CACNA1G: variants seen among roughly 807,000 people sequenced by gnomAD.
CACNA1G encodes the protein calcium voltage-gated channel subunit alpha1 G, also known as voltage-dependent T-type calcium channel subunit alpha-1G.
A neutral mutation model predicts 219.4 loss-of-function variants in CACNA1G; 67 were observed. The ratio of observed to expected loss-of-function variants is 0.31; its 90% CI spans 0.25 to 0.37. The LOEUF (loss-of-function observed/expected upper bound fraction) is 0.37, where lower values mean the gene tolerates loss of function less well. Among genes scored for constraint, CACNA1G ranks in the 10% least tolerant of loss-of-function variants. CACNA1G has a pLI of 1.00. For missense variants in CACNA1G, 2,380 were observed against 3,231.4 expected (o/e 0.74, Z 6.39); for synonymous variants, 1,296 against 1,345.3 (o/e 0.96, Z 0.80).
At chr17:50,568,356 A>G (rs1323479552) in intron 1 of CACNA1G, among the ~76,000 whole-genome samples, 2 of 152,074 alleles carry the variant, frequency 1.3e-5, no homozygotes, top group Non-Finnish European at 2.9e-5. Context: ...GGGGAAGAAA[A>G]TGATCTACCC....
chr17:50,623,765 G>A lies in CACNA1G; in HGVS notation c.6061-142G>A. On this transcript the variant is annotated intron_variant, in intron 35 of 37. Transcript: ENST00000359106. Reference sequence around the variant, plus strand: ...TGCCCCTCTCCCCAGCCATGCTCATGCCCATCTCTACCTTGTCCTGGGAGG... The same window carrying A: ...TGCCCCTCTCCCCAGCCATGCTCATACCCATCTCTACCTTGTCCTGGGAGG... The A allele has an allele frequency of 3.8e-6, 3 of 783,970 alleles. No homozygotes were observed. The South Asian group carries it at 5.3e-5, about 14-fold the overall frequency. 48.6% of individuals were successfully genotyped at this position (783,970 alleles called of 1,614,324 possible). A position where few individuals can be genotyped will look rare whatever the true frequency, so the allele number is the denominator to read the frequency against.
Position 50,607,647 on chromosome 17 carries a change from C to A in CACNA1G, c.4513-180C>A, listed in dbSNP as rs186641371. 3.6e-4 allele frequency: 213 copies of A among 591,746 alleles called. 1 individual carries two copies. In the African/African-American group the frequency reaches 3.7e-3, roughly 10 times the overall value. 36.7% of individuals were successfully genotyped at this position (591,746 alleles called of 1,614,324 possible). A position where few individuals can be genotyped will look rare whatever the true frequency, so the allele number is the denominator to read the frequency against. On this transcript the variant is annotated intron_variant, in intron 24 of 37. Coordinates refer to ENST00000359106, the MANE Select transcript of CACNA1G (RefSeq NM_018896.5). ...CAGTTTTGGATGGAGAATCTACTCT[C>A]CCCTTTACCACAGTCCCCGCCCCTC...
chr17:50,618,404 C>A lies in CACNA1G; in HGVS notation c.5427+61C>A. On this transcript the variant is annotated intron_variant, in intron 32 of 37. Coordinates refer to ENST00000359106, the MANE Select transcript of CACNA1G (RefSeq NM_018896.5). This position sits in a 1 kb window ranked among gnomAD's most constrained non-coding sequence, Gnocchi z 5.3. ...CAGCCCCACTTCCTGAGCTAGGATT[C>A]CTTGGGAAGATGAATTGGCCACAAA... The A allele has an allele frequency of 6.3e-7, 1 of 1,591,066 alleles. No homozygotes were observed. Among genetic ancestry groups the A allele is most frequent in the Non-Finnish European group, 8.6e-7 (1 of 1,163,960 alleles).
chr17:50,580,775 G>A (rs770410928), intron 9 of CACNA1G, among the ~76,000 whole-genome samples: 4 of 152,190 alleles, frequency 2.6e-5, no homozygotes, highest in Non-Finnish European at 5.9e-5. Context: ...GGGGGTGAGC[G>A]GGAGTCCCCA....
chr17:50,570,117 C>T (rs1221883966), intron 4 of CACNA1G, among the ~76,000 whole-genome samples: 1 of 152,152 alleles, frequency 6.6e-6, no homozygotes, highest in Non-Finnish European at 1.5e-5. Flanking sequence ...ACTGGAGAGG[C>T]TGACAGGCAA....
chr17:50,624,113 G>T (rs1355672107), intron 36 of CACNA1G, 38 bp downstream of exon 36: 1 of 1,596,030 alleles, frequency 6.3e-7, no homozygotes, highest in Admixed American at 1.7e-5. Context: ...GCTCACACAG[G>T]GAGATTCCAT....
intron 7 of CACNA1G, chr17:50,573,532 T>A (rs2039929260): frequency 6.3e-6 from 1 of 159,092 alleles, no homozygotes; most frequent in Non-Finnish European, 1.4e-5. Context: ...TTTGAATGAA[T>A]CCAGTGGTTT....
chr17:50,583,237 T>C (rs1048491912), intron 9 of CACNA1G, among the ~76,000 whole-genome samples: 1 of 151,942 alleles, frequency 6.6e-6, no homozygotes, highest in African/African-American at 2.4e-5. Context: ...AAGCAGAGCT[T>C]TGGGGGATGA....
rs2040472313 is a variant in CACNA1G at position 50,575,539 on chromosome 17, A to C, written c.1141-4A>C. ...ATTTCCTCTTCCTGTCCCCACCCCTACAGGTGGGCTCCTTCTTCATGATCA... is the reference window on the plus strand; with the variant it reads ...ATTTCCTCTTCCTGTCCCCACCCCTCCAGGTGGGCTCCTTCTTCATGATCA... On this transcript the variant is annotated splice_polypyrimidine_tract_variant and splice_region_variant and intron_variant, in intron 7 of 37. Coordinates refer to ENST00000359106, the MANE Select transcript of CACNA1G (RefSeq NM_018896.5). The C allele has an allele frequency of 6.2e-7, 1 of 1,603,786 alleles. No individual in the cohort carries two copies. The highest frequency in any genetic ancestry group is 8.5e-7 in the Non-Finnish European group (1 of 1,172,734).
chr17:50,585,349 G>A (rs73340234), intron 9 of CACNA1G, among the ~76,000 whole-genome samples: 18,417 of 152,150 alleles, frequency 0.12, 3,781 homozygotes, highest in African/African-American at 0.42. Context: ...CCTTGGGTCA[G>A]CTGTCTTGAA....
chr17:50,613,560 C>G (rs553219410), intron 26 of CACNA1G, among the ~76,000 whole-genome samples: 1 of 152,134 alleles, frequency 6.6e-6, no homozygotes, highest in African/African-American at 2.4e-5. Flanking sequence ...GCTGGGGTGA[C>G]GGGGAGAGGA....
At chr17:50,566,783 G>A (rs562356119) in intron 1 of CACNA1G, among the ~76,000 whole-genome samples, 3 of 152,318 alleles carry the variant, frequency 2.0e-5, no homozygotes, top group Non-Finnish European at 4.4e-5. Flanking sequence ...AGCAAGCTCC[G>A]TAGGGGATCT....
Position 50,624,480 on chromosome 17 carries a change from T to A in CACNA1G, c.6350T>A (p.Leu2117Gln). ...CCAACCTGGGGCACCATCCCCAAAC[T>A]GCCCCCACCAGGACGCTCCCCTTTG... ...SAPTWGTIPKLPPPGRSPLAQ... is the reference protein window; with the variant it reads ...SAPTWGTIPKQPPPGRSPLAQ... Residue 2117 changes from leucine (L) to glutamine (Q), a missense_variant, in exon 37 of 38, where the codon CTG becomes CAG. This residue lies in a region of CACNA1G where 672 missense variants were observed against 670.5 expected (regional missense o/e 1.00). Transcript: ENST00000359106. 6.2e-7 allele frequency: 1 copy of A among 1,600,950 alleles called. No homozygotes were observed. The highest frequency in any genetic ancestry group is 2.3e-5 in the East Asian group (1 of 44,138).
At chr17:50,604,305 C>T in intron 22 of CACNA1G, 24 bp downstream of exon 22, 1 of 1,610,470 alleles carries the variant, frequency 6.2e-7, no homozygotes. Context: ...TGGGGGCCAG[C>T]TGTGGGTGAA....
rs944275188 is a variant in CACNA1G, at chr17:50,561,034, G to T, written c.-426G>T. 2 of 331,640 alleles carry T rather than the reference G, an allele frequency of 6.0e-6. No individual in the cohort carries two copies. Among genetic ancestry groups the T allele is most frequent in the African/African-American group, 2.3e-5 (1 of 42,890 alleles). The allele number at this position is 331,640 out of a possible 1,614,324, so 20.5% of individuals were successfully genotyped here. A position where few individuals can be genotyped will look rare whatever the true frequency, so the allele number is the denominator to read the frequency against. On this transcript the variant is annotated 5_prime_UTR_variant, in exon 1 of 38. Coordinates refer to ENST00000359106, the MANE Select transcript of CACNA1G (RefSeq NM_018896.5). The stretch of plus-strand genomic sequence containing the variant: ...ACCCCTTAGATCCGGCTCCAGCTGC[G>T]CCGCGGGAAGAGGGGGCGCCCCTCC...
chr17:50,597,064 C>T lies in CACNA1G; in HGVS notation c.3258+141C>T, dbSNP rs375658304. 4.2e-5 allele frequency: 35 copies of T among 833,828 alleles called. No homozygotes were observed. The South Asian group carries it at 6.6e-4, about 16-fold the overall frequency. The allele number at this position is 833,828 out of a possible 1,614,324, so 51.7% of individuals were successfully genotyped here. ...GGGCCTGGGTGTGCCTGGACAAGCCCCTGGGGAATCTGCGCCGGTGATGCA... is the reference window on the plus strand; with the variant it reads ...GGGCCTGGGTGTGCCTGGACAAGCCTCTGGGGAATCTGCGCCGGTGATGCA... On this transcript the variant is annotated intron_variant, in intron 16 of 37. Coordinates refer to ENST00000359106, the MANE Select transcript of CACNA1G (RefSeq NM_018896.5).
chr17:50,596,853 G>A lies in CACNA1G; in HGVS notation c.3188G>A (p.Gly1063Asp). The A allele has an allele frequency of 1.3e-6, 2 of 1,599,504 alleles. No homozygotes were observed. The highest frequency in any genetic ancestry group is 1.7e-6 in the Non-Finnish European group (2 of 1,174,018). Residue 1063 changes from glycine (G) to aspartate (D), a missense_variant, in exon 16 of 38, where the codon GGC (glycine) becomes GAC (aspartate). By Grantham distance (94) the Gly-to-Asp change is moderately conservative. Around this residue, in one of 17 missense-constraint regions of CACNA1G, gnomAD observed 418 missense variants for 434.3 expected, o/e 0.96. Coordinates refer to ENST00000359106, the MANE Select transcript of CACNA1G (RefSeq NM_018896.5). The surrounding 1 kb of genome is among the most constrained non-coding windows in gnomAD (Gnocchi z 4.8). ...STSTGLGEALGPASRRTSSSG... is the reference protein window; with the variant it reads ...STSTGLGEALDPASRRTSSSG... ...AGCACGGGCCTGGGCGAGGCGCTGG[G>A]CCCTGCGTCGCGCCGCACCAGCAGC...
intron 7 of CACNA1G, among the ~76,000 whole-genome samples, chr17:50,574,345 T>C (rs970181966): frequency 6.6e-6 from 1 of 152,218 alleles, no homozygotes; most frequent in Admixed American, 6.5e-5. Flanking sequence ...CAGAGAGAGA[T>C]GAAGACAAAA....
rs557197331 is a variant in CACNA1G at position 50,626,966 on chromosome 17, C to T, written c.*215C>T. 2 of 701,632 alleles carry T rather than the reference C, an allele frequency of 2.9e-6. No individual in the cohort carries two copies. The highest frequency in any genetic ancestry group is 3.0e-5 in the South Asian group (2 of 67,542). 43.5% of individuals were successfully genotyped at this position (701,632 alleles called of 1,614,324 possible). On this transcript the variant is annotated 3_prime_UTR_variant, in exon 38 of 38. Coordinates refer to ENST00000359106, the MANE Select transcript of CACNA1G (RefSeq NM_018896.5). The surrounding 1 kb of genome is among the most constrained non-coding windows in gnomAD (Gnocchi z 4.3). ...CTCTGGCTCCAGGCAGAAGGAGAGG[C>T]CCGGTGCAGCTGAGGTTCCCGACAC...
Sources: allele counts gnomAD v4.1 joint callset (sites outside exome capture counted in the v4.1 genomes callset), GRCh38; gene constraint gnomAD v4.1.1; regional missense constraint gnomAD v4.1.1; non-coding constraint Gnocchi (gnomAD v3.1); transcripts MANE v1.5; gene names NCBI Gene and HGNC (gene_info 2026-07-23, HGNC 2026-07-21).